Variants in DYSF observed in about 807,000 individuals in gnomAD.
DYSF encodes dystrophy-associated fer-1-like 1.
Under a neutral mutation model 274.9 loss-of-function variants are expected in DYSF, and 212 were observed. The observed-to-expected ratio is 0.77, with a 90% confidence interval of 0.69 to 0.86. The LOEUF (loss-of-function observed/expected upper bound fraction) is 0.86, where lower values mean the gene tolerates loss of function less well. Ranked by LOEUF, DYSF falls within the 40% of genes least tolerant of loss-of-function variation. DYSF has a pLI of 0.00. For synonymous variants in DYSF, 1,091 were observed against 1,078.7 expected, an observed-to-expected ratio of 1.01 and a Z score of -0.22; for missense variants, 2,666 against 2,783.2, an observed-to-expected ratio of 0.96 and a Z score of 0.95.
chr2:71,542,830 T>C (rs1262674684), intron 17 of DYSF, among the ~76,000 whole-genome samples: 1 of 152,232 alleles, frequency 6.6e-6, no homozygotes, highest in African/African-American at 2.4e-5. Flanking sequence ...ATTTCCTCCC[T>C]TTCTACTCGA....
intron 1 of DYSF, among the ~76,000 whole-genome samples, chr2:71,467,827 C>T (rs1056231081): frequency 4.6e-5 from 7 of 152,128 alleles, no homozygotes; most frequent in African/African-American, 1.4e-4. Flanking sequence ...TAAAAATCTA[C>T]GTATCAGAAA....
intron 40 of DYSF, among the ~76,000 whole-genome samples, chr2:71,616,605 G>T (rs1256956292): frequency 2.0e-5 from 3 of 152,138 alleles, no homozygotes; most frequent in African/African-American, 7.2e-5. Flanking sequence ...CTGAGGGCAG[G>T]CCTGGGTGTG....
intron 7 of DYSF, among the ~76,000 whole-genome samples, chr2:71,514,156 A>AG (rs2086411086): frequency 6.6e-6 from 1 of 151,722 alleles, no homozygotes; most frequent in East Asian, 1.9e-4. Context: ...TTAAAAAAAA[A>AG]AAAAAAAAAA....
At chr2:71,678,675 C>G (rs1468287702) in intron 52 of DYSF, among the ~76,000 whole-genome samples, 1 of 151,854 alleles carries the variant, frequency 6.6e-6, no homozygotes, top group East Asian at 1.9e-4. Context: ...GTTAAAATAA[C>G]AAATTTCATG....
rs567109887 is a variant in DYSF at position 71,663,681 on chromosome 2, A to T, written c.5004-587A>T. ...TGCACATGGTAGATGGAGTTCTCAGATACAGCAAGAGCTCTCGCCAGAGAA... is the reference window on the plus strand; with the variant it reads ...TGCACATGGTAGATGGAGTTCTCAGTTACAGCAAGAGCTCTCGCCAGAGAA... On this transcript the variant is annotated intron_variant, in intron 45 of 55. Transcript: ENST00000410020. 2.6e-5 allele frequency among the ~76,000 whole-genome samples: 4 copies of T among 152,328 alleles called. No homozygotes were observed. In the East Asian group the frequency reaches 7.7e-4, roughly 29 times the overall value.
At chr2:71,574,427 G>T in intron 30 of DYSF, 56 bp downstream of exon 30, 1 of 1,585,702 alleles carries the variant, frequency 6.3e-7, no homozygotes, top group Non-Finnish European at 8.6e-7. Flanking sequence ...GTTTCCCAGG[G>T]CTGTTCGGGC....
rs2303602 is a variant in DYSF, at chr2:71,598,972, C to T, written c.3756+227C>T. On this transcript the variant is annotated intron_variant, in intron 33 of 55. Coordinates refer to ENST00000410020, the MANE Select transcript of DYSF (RefSeq NM_001130987.2). ...TGGAAGGGAACATATCCGGAAAAGG[C>T]GCTTGGTTGTGGGTCAGGGGCTTGG... Among the ~76,000 whole-genome samples the T allele has an allele frequency of 0.39, 59,316 of 152,184 alleles. 11,814 individuals are homozygous for T. Among genetic ancestry groups the T allele is most frequent in the African/African-American group, 0.41 (17,058 of 41,520 alleles).
chr2:71,651,913 C>G (rs182901514), intron 42 of DYSF, among the ~76,000 whole-genome samples: 2 of 152,094 alleles, frequency 1.3e-5, no homozygotes, highest in South Asian at 4.1e-4. Flanking sequence ...TCAGTTGGTG[C>G]TGAAAAGCAT....
chr2:71,626,278 A>G (rs532193434), intron 41 of DYSF, among the ~76,000 whole-genome samples: 21 of 150,518 alleles, frequency 1.4e-4, no homozygotes, highest in Admixed American at 3.3e-4. Flanking sequence ...AGGTGAACCT[A>G]GTTACCTGTT....
chr2:71,475,707 C>G (rs2082345756), intron 1 of DYSF, among the ~76,000 whole-genome samples: 1 of 152,002 alleles, frequency 6.6e-6, no homozygotes, highest in African/African-American at 2.4e-5. Context: ...CACAGCAACC[C>G]CTTGTAAGGT....
intron 32 of DYSF, among the ~76,000 whole-genome samples, chr2:71,590,770 C>T (rs1168318015): frequency 6.6e-6 from 1 of 152,212 alleles, no homozygotes. Flanking sequence ...CATTTCCTGC[C>T]ATGGCCCTGG....
intron 30 of DYSF, among the ~76,000 whole-genome samples, chr2:71,578,930 C>G (rs2152829788): frequency 6.6e-6 from 1 of 152,350 alleles, no homozygotes; most frequent in Non-Finnish European, 1.5e-5. Context: ...TCTGCTGTCT[C>G]CATCCCGAGC....
chr2:71,501,059 C>A (rs887261229), intron 3 of DYSF, among the ~76,000 whole-genome samples: 2 of 152,086 alleles, frequency 1.3e-5, no homozygotes, highest in Non-Finnish European at 2.9e-5. Context: ...CTGGCACCAG[C>A]CCCTAGGATG....
intron 30 of DYSF, among the ~76,000 whole-genome samples, chr2:71,586,669 G>A (rs1011290475): frequency 1.3e-5 from 2 of 152,144 alleles, no homozygotes; most frequent in Non-Finnish European, 2.9e-5. Context: ...AGAGGCCTTG[G>A]GAGTGGTGCT....
At chr2:71,605,996 C>T (rs995906392) in intron 36 of DYSF, among the ~76,000 whole-genome samples, 6 of 152,186 alleles carry the variant, frequency 3.9e-5, no homozygotes, top group Admixed American at 3.9e-4. Context: ...GCAGCGTCTT[C>T]TGTCCTCTGC....
chr2:71,616,485 G>T (rs1319549278), intron 40 of DYSF, among the ~76,000 whole-genome samples: 7 of 150,676 alleles, frequency 4.6e-5, no homozygotes, highest in Non-Finnish European at 8.8e-5. Context: ...AGCATGACAG[G>T]TGGGGGTGGT....
At chr2:71,488,313 G>A (rs1238755014) in intron 3 of DYSF, among the ~76,000 whole-genome samples, 2 of 152,184 alleles carry the variant, frequency 1.3e-5, no homozygotes, top group African/African-American at 4.8e-5. Context: ...TGCCTTCTCA[G>A]TGGAAATTAA....
intron 23 of DYSF, among the ~76,000 whole-genome samples, chr2:71,563,110 G>A (rs1349299345): frequency 6.6e-6 from 1 of 152,192 alleles, no homozygotes; most frequent in Non-Finnish European, 1.5e-5. Flanking sequence ...CTGAAAATAT[G>A]CATTTCTAAC....
chr2:71,659,466 T>G (rs924423803), intron 44 of DYSF, among the ~76,000 whole-genome samples: 5 of 151,976 alleles, frequency 3.3e-5, no homozygotes, highest in Non-Finnish European at 4.4e-5. Flanking sequence ...GGAGGAGTGA[T>G]GGGGGAAAGG....
Sources: allele counts gnomAD v4.1 joint callset (sites outside exome capture counted in the v4.1 genomes callset), GRCh38; gene constraint gnomAD v4.1.1; transcripts MANE v1.5; gene names NCBI Gene and HGNC (gene_info 2026-07-23, HGNC 2026-07-21).